The following FBXL13 variants were observed in gnomAD, a reference collection of about 807,000 sequenced individuals.
FBXL13 encodes F-box and leucine rich repeat protein 13.
A neutral mutation model predicts 83.6 loss-of-function variants in FBXL13; 67 were observed. The ratio of observed to expected loss-of-function variants is 0.80; its 90% confidence interval spans 0.66 to 0.98. FBXL13 has a LOEUF of 0.98. FBXL13 is among the 50% of genes least tolerant of loss of function. The pLI, the probability that FBXL13 is intolerant of heterozygous loss-of-function variation, is 0.00. For synonymous variants in FBXL13, 272 were observed against 299.5 expected (o/e 0.91, Z 0.95); for missense variants, 822 against 866.5 (o/e 0.95, Z 0.64).
chr7:102,840,390 G>C (rs778942233), intron 17 of FBXL13, among the ~76,000 whole-genome samples: 30 of 152,196 alleles, frequency 2.0e-4, no homozygotes, highest in Non-Finnish European at 1.2e-4. Context: ...ATTTCAAAAA[G>C]TGGTGCCTAG....
chr7:102,963,402 A>T lies in FBXL13; in HGVS notation c.724+131T>A, dbSNP rs1034346526. 5 of 1,046,992 alleles carry T rather than the reference A, an allele frequency of 4.8e-6. No individual in the cohort carries two copies. In the African/African-American group the frequency reaches 8.2e-5, roughly 17 times the overall value. The allele number at this position is 1,046,992 out of a possible 1,614,324, so 64.9% of individuals were successfully genotyped here. On this transcript the variant is annotated intron_variant, in intron 8 of 19. Transcript: ENST00000313221. ...GCTGCACTATATTATACACTTATTA[A>T]ATGGTTATAATTGGTATCCTTATGA... is the stretch of plus-strand genomic sequence containing the variant.
chr7:102,906,283 T>C (rs1168093984), intron 11 of FBXL13, among the ~76,000 whole-genome samples: 2 of 152,230 alleles, frequency 1.3e-5, no homozygotes, highest in East Asian at 3.8e-4. Context: ...TTTAACTTTT[T>C]GATGCTTCTA....
At chr7:103,005,418 AGAG>A (rs999325424) in intron 6 of FBXL13, among the ~76,000 whole-genome samples, 1 of 152,200 alleles carries the variant, frequency 6.6e-6, no homozygotes, top group African/African-American at 2.4e-5. Context: ...AGAGCAGTGA[AGAG>A]GAGGATTTAG....
intron 8 of FBXL13, among the ~76,000 whole-genome samples, chr7:102,940,789 G>A (rs1250596486): frequency 2.0e-5 from 3 of 152,290 alleles, no homozygotes; most frequent in Middle Eastern, 3.4e-3. Context: ...GGAAAGAACT[G>A]AGAATTACTG....
At chr7:103,008,418 T>C (rs912915868) in intron 6 of FBXL13, among the ~76,000 whole-genome samples, 1 of 152,178 alleles carries the variant, frequency 6.6e-6, no homozygotes. Flanking sequence ...AGGAAATACA[T>C]CAATAATATT....
At chr7:103,018,062 G>C (rs1276417992) in intron 6 of FBXL13, among the ~76,000 whole-genome samples, 4 of 152,068 alleles carry the variant, frequency 2.6e-5, no homozygotes, top group Non-Finnish European at 5.9e-5. Context: ...AAATGTTAAG[G>C]GCAGCCAGAA....
chr7:103,007,735 T>C (rs951304954), intron 6 of FBXL13, among the ~76,000 whole-genome samples: 1 of 152,130 alleles, frequency 6.6e-6, no homozygotes, highest in African/African-American at 2.4e-5. Flanking sequence ...CCTTTTCCTT[T>C]CTCCTTCCCA....
At chr7:102,974,992 C>T (rs1417435300) in intron 6 of FBXL13, among the ~76,000 whole-genome samples, 1 of 152,114 alleles carries the variant, frequency 6.6e-6, no homozygotes, top group Non-Finnish European at 1.5e-5. Context: ...TAAACCCATC[C>T]CACCACCTTA....
chr7:102,847,202 T>C (rs1234611899), intron 17 of FBXL13, among the ~76,000 whole-genome samples: 2 of 150,716 alleles, frequency 1.3e-5, no homozygotes, highest in African/African-American at 4.9e-5. Flanking sequence ...TTCAAAACTT[T>C]ACAGGAAAAA....
chr7:102,977,049 C>T (rs1321822198), intron 6 of FBXL13, among the ~76,000 whole-genome samples: 1 of 152,172 alleles, frequency 6.6e-6, no homozygotes, highest in Non-Finnish European at 1.5e-5. Context: ...CATGGAGTCC[C>T]TGTGTATGAT....
At chr7:102,869,817 T>C (rs140759613) in intron 16 of FBXL13, among the ~76,000 whole-genome samples, 5 of 152,348 alleles carry the variant, frequency 3.3e-5, no homozygotes, top group African/African-American at 1.2e-4. Context: ...GGTTTCTCTA[T>C]TCTGTTCCAC....
At chr7:103,022,604 G>A (rs1465415287) in intron 6 of FBXL13, among the ~76,000 whole-genome samples, 1 of 152,090 alleles carries the variant, frequency 6.6e-6, no homozygotes, top group Non-Finnish European at 1.5e-5. Context: ...ATGATACTGG[G>A]ATAACTGGCT....
chr7:102,881,650 C>T (rs1342633149), intron 14 of FBXL13, among the ~76,000 whole-genome samples: 1 of 151,730 alleles, frequency 6.6e-6, no homozygotes, highest in African/African-American at 2.4e-5. Context: ...AAATGGCAAA[C>T]ATTTATTATC....
chr7:102,994,044 ATTAAATGCCATT>A (rs1486868247), intron 6 of FBXL13, among the ~76,000 whole-genome samples: 1 of 152,224 alleles, frequency 6.6e-6, no homozygotes, highest in Non-Finnish European at 1.5e-5. Context: ...AGTGAACCAG[ATTAAATGCCATT>A]TAAAAAGTAT....
At chr7:103,067,194 G>A (rs1325117932) in intron 1 of FBXL13, among the ~76,000 whole-genome samples, 1 of 152,130 alleles carries the variant, frequency 6.6e-6, no homozygotes, top group Non-Finnish European at 1.5e-5. Flanking sequence ...CAGTTTAATT[G>A]TGTGTTCTTC....
chr7:103,010,069 C>T (rs1012433163), intron 6 of FBXL13, among the ~76,000 whole-genome samples: 6 of 151,834 alleles, frequency 4.0e-5, no homozygotes, highest in African/African-American at 1.2e-4. Context: ...CCCCGCCCAC[C>T]CCACTACTGG....
At chr7:102,884,408 A>G (rs963881465) in intron 11 of FBXL13, 96 bp from the exon 13 acceptor site, 8 of 842,120 alleles carry the variant, frequency 9.5e-6, no homozygotes, top group Non-Finnish European at 1.4e-5. Flanking sequence ...TTTTGTTACT[A>G]TGTTTTAAAA....
At chr7:103,003,563 G>T (rs930786137) in intron 6 of FBXL13, among the ~76,000 whole-genome samples, 1 of 151,590 alleles carries the variant, frequency 6.6e-6, no homozygotes, top group Non-Finnish European at 1.5e-5. Context: ...GGGATTACAG[G>T]TGTGAGCCCT....
At chr7:102,870,069 T>C (rs973525393) in intron 16 of FBXL13, among the ~76,000 whole-genome samples, 1 of 152,194 alleles carries the variant, frequency 6.6e-6, no homozygotes, top group African/African-American at 2.4e-5. Context: ...GATAGCCTTA[T>C]AACACATACA....
Sources: gnomAD v4.1 joint callset for allele counts (sites outside exome capture counted in the v4.1 genomes callset) on GRCh38, gnomAD v4.1.1 for gene constraint, MANE v1.5 for transcripts, NCBI Gene and HGNC (gene_info 2026-07-23, HGNC 2026-07-21) for gene names.